The following FAM13A variants were observed in gnomAD, a reference collection of about 807,000 sequenced individuals.
The protein encoded by FAM13A is family with sequence similarity 13 member A.
FAM13A carries 76 observed loss-of-function variants against 129.6 expected under a neutral mutation model. The ratio of observed to expected loss-of-function variants is 0.59; its 90% CI spans 0.49 to 0.71. The LOEUF (loss-of-function observed/expected upper bound fraction) is 0.71. FAM13A is among the 30% of genes least tolerant of loss of function. The pLI is 0.00. For synonymous variants in FAM13A, 443 were observed against 449.9 expected (o/e 0.98, Z 0.20); for missense variants, 1,108 against 1,249.3 (o/e 0.89, Z 1.70).
rs575901462 is a variant in FAM13A at position 88,819,925 on chromosome 4, A to G, written c.1008-14873T>C. Among the ~76,000 whole-genome samples the G allele has an allele frequency of 2.7e-3, 408 of 152,338 alleles. 1 individual carries two copies. Among genetic ancestry groups the G allele is most frequent in the African/African-American group, 9.4e-3 (392 of 41,592 alleles). On this transcript the variant is annotated intron_variant, in intron 7 of 23. Coordinates refer to ENST00000264344, the MANE Select transcript of FAM13A (RefSeq NM_014883.4). ...CATTAAGAACTGAGGACTTTACAGA[A>G]GGTTGTAATTTAAACATTCAGCCTC... is the stretch of plus-strand genomic sequence containing the variant.
intron 4 of FAM13A, among the ~76,000 whole-genome samples, chr4:88,964,868 T>TTCG (rs1759137047): frequency 2.0e-5 from 3 of 152,076 alleles, no homozygotes; most frequent in Admixed American, 2.0e-4. Context: ...CCTCAAGTGA[T>TTCG]TCGTCCGCCT....
chr4:88,728,429 T>A lies in FAM13A; in HGVS notation c.*104A>T, dbSNP rs374661297. 1.3e-3 allele frequency: 1,778 copies of A among 1,420,904 alleles called. 1 individual carries two copies. The highest frequency in any genetic ancestry group is 3.2e-3 in the Middle Eastern group (13 of 4,030). The allele number at this position is 1,420,904 out of a possible 1,614,324, so 88.0% of individuals were successfully genotyped here. On this transcript the variant is annotated 3_prime_UTR_variant, in exon 24 of 24. Coordinates refer to ENST00000264344, the MANE Select transcript of FAM13A (RefSeq NM_014883.4). ...ATGGTCTAGAGGCAGAAGGGCTGCA[T>A]GCTTTGCAGGGCCAGCCCCAAGGCT...
In FAM13A at chr4:88,781,350, C is replaced by T. The variant is rs767106496; in HGVS notation, c.1273G>A (p.Gly425Arg). 29 of 1,581,718 alleles carry T rather than the reference C, an allele frequency of 1.8e-5. No individual in the cohort carries two copies. In the South Asian group the frequency reaches 2.3e-4, roughly 13 times the overall value. Reference sequence around the variant, plus strand: ...GGAGTATTTTCTTTGTTGATAAGTCCCCTTGAATTGAGAAAAAAGCTTAAT... The same window carrying T: ...GGAGTATTTTCTTTGTTGATAAGTCTCCTTGAATTGAGAAAAAAGCTTAAT... ...QDEVRHGRDK[G>R]LINKENTPSG... The change falls in exon 11 of 24, where the codon GGA becomes AGA. Residue 425 changes from glycine (G) to arginine (R), a missense_variant and splice_region_variant. Coordinates refer to ENST00000264344, the MANE Select transcript of FAM13A (RefSeq NM_014883.4).
At chr4:88,747,073 A>T in intron 18 of FAM13A, 58 bp from the exon 19 acceptor site, 2 of 1,149,164 alleles carry the variant, frequency 1.7e-6, no homozygotes, top group East Asian at 4.7e-5. Context: ...GAACATTCCA[A>T]CTTCTTTACT....
At chr4:88,920,684 G>C (rs569167081) in intron 5 of FAM13A, among the ~76,000 whole-genome samples, 1 of 152,174 alleles carries the variant, frequency 6.6e-6, no homozygotes, top group Non-Finnish European at 1.5e-5. Context: ...ACCAGCAACG[G>C]AACAAAGCTG....
chr4:88,731,980 C>T (rs1737922012), intron 22 of FAM13A, 22 bp downstream of exon 22: 3 of 1,568,962 alleles, frequency 1.9e-6, no homozygotes, highest in Non-Finnish European at 1.7e-6. Context: ...AACATTTCAC[C>T]ACCACCACCA....
At chr4:88,755,660 C>T (rs1743464317) in intron 14 of FAM13A, among the ~76,000 whole-genome samples, 1 of 152,176 alleles carries the variant, frequency 6.6e-6, no homozygotes, top group South Asian at 2.1e-4. Flanking sequence ...CCTCAGTATT[C>T]TCATCTGTAT....
intron 4 of FAM13A, among the ~76,000 whole-genome samples, chr4:88,943,683 C>T (rs1029041828): frequency 6.6e-6 from 1 of 152,176 alleles, no homozygotes; most frequent in South Asian, 2.1e-4. Context: ...TTCTGCTAAC[C>T]TTGAGATAAC....
At chr4:88,804,543 G>A (rs924163603) in intron 8 of FAM13A, among the ~76,000 whole-genome samples, 1 of 152,098 alleles carries the variant, frequency 6.6e-6, no homozygotes, top group African/African-American at 2.4e-5. Flanking sequence ...CTCTGGGTTT[G>A]TAAGTTTTAG....
At chr4:88,763,750 A>G (rs2149527539) in intron 13 of FAM13A, among the ~76,000 whole-genome samples, 2 of 152,362 alleles carry the variant, frequency 1.3e-5, no homozygotes, top group Admixed American at 1.3e-4. Flanking sequence ...AGTATGCTGT[A>G]TAATGCAGTT....
chr4:89,032,167 C>T (rs1195709190), intron 1 of FAM13A, among the ~76,000 whole-genome samples: 4 of 152,040 alleles, frequency 2.6e-5, no homozygotes, highest in Admixed American at 2.0e-4. Flanking sequence ...ATGGCGTGAA[C>T]CTGGGAGGCG....
chr4:88,811,589 G>C (rs1177977570), intron 7 of FAM13A, among the ~76,000 whole-genome samples: 2 of 133,678 alleles, frequency 1.5e-5, no homozygotes, highest in African/African-American at 5.5e-5. Flanking sequence ...AAAAGGAACA[G>C]AGTTCTTAAG....
intron 5 of FAM13A, chr4:88,937,314 A>ATGT (rs1258061715): frequency 2.0e-5 from 3 of 152,194 alleles, no homozygotes; most frequent in African/African-American, 7.2e-5. Flanking sequence ...AGCAAAGAGT[A>ATGT]TGTTATGGTC....
At chr4:89,024,326 C>T (rs1475786789) in intron 2 of FAM13A, among the ~76,000 whole-genome samples, 1 of 152,028 alleles carries the variant, frequency 6.6e-6, no homozygotes, top group African/African-American at 2.4e-5. Context: ...TCATGCCAAA[C>T]TAAGAGAAAG....
At chr4:89,049,261 T>G (rs890804910) in intron 1 of FAM13A, among the ~76,000 whole-genome samples, 3 of 149,540 alleles carry the variant, frequency 2.0e-5, no homozygotes, top group African/African-American at 7.4e-5. Context: ...GGACCCTAAC[T>G]CAAAAAAAAA....
rs567278628 is a variant in FAM13A at position 88,885,253 on chromosome 4, C to A, written c.843+21126G>T. 2.0e-5 allele frequency among the ~76,000 whole-genome samples: 3 copies of A among 152,132 alleles called. No homozygotes were observed. In the East Asian group the frequency reaches 5.8e-4, roughly 29 times the overall value. On this transcript the variant is annotated intron_variant, in intron 6 of 23. Coordinates refer to ENST00000264344, the MANE Select transcript of FAM13A (RefSeq NM_014883.4). ...ATCTAGAGGCATCACATTACCCAAC[C>A]TCAAACTATACTATAAGGCCATAGT...
chr4:88,803,393 T>C lies in FAM13A; in HGVS notation c.1049+1618A>G, dbSNP rs571611716. Among the ~76,000 whole-genome samples the C allele has an allele frequency of 1.4e-4, 21 of 152,304 alleles. No homozygotes were observed. The South Asian group carries it at 4.3e-3, about 32-fold the overall frequency. On this transcript the variant is annotated intron_variant, in intron 8 of 23. Transcript: ENST00000264344. ...CAAGTAGCTTCTATTAAGAGTTCAGTAAATATATTATTGATTTTCTTTTAC... is the reference window on the plus strand; with the variant it reads ...CAAGTAGCTTCTATTAAGAGTTCAGCAAATATATTATTGATTTTCTTTTAC...
intron 4 of FAM13A, among the ~76,000 whole-genome samples, chr4:88,962,179 A>G (rs548418276): frequency 6.6e-6 from 1 of 152,272 alleles, no homozygotes; most frequent in East Asian, 1.9e-4. Context: ...ATGAAATCTC[A>G]GCAAAAATGT....
chr4:89,052,364 T>A (rs1579946049), intron 1 of FAM13A, among the ~76,000 whole-genome samples: 1 of 151,664 alleles, frequency 6.6e-6, no homozygotes, highest in Admixed American at 6.6e-5. Context: ...AATGTGCAGG[T>A]TAGTTACATA....
Sources: gnomAD v4.1 joint callset for allele counts (sites outside exome capture counted in the v4.1 genomes callset) on GRCh38, gnomAD v4.1.1 for gene constraint, MANE v1.5 for transcripts, NCBI Gene and HGNC (gene_info 2026-07-23, HGNC 2026-07-21) for gene names.